Variants in REPS1 observed in about 807,000 individuals in gnomAD.
REPS1 encodes RALBP1 associated Eps domain containing 1, also known as ralBP1-associated Eps domain-containing protein 1.
Under a neutral mutation model 100.9 loss-of-function variants are expected in REPS1, and 39 were observed. The observed-to-expected ratio is 0.39, with a 90% confidence interval of 0.30 to 0.50. The LOEUF (loss-of-function observed/expected upper bound fraction) is 0.50, where lower values mean the gene tolerates loss of function less well. REPS1 is among the 20% of genes least tolerant of loss of function. REPS1 has a pLI of 0.86. For synonymous variants in REPS1, 324 were observed against 340.3 expected (o/e 0.95, Z 0.53); for missense variants, 821 against 968.5 (o/e 0.85, Z 2.02).
chr6:138,918,349 C>T (rs1780544024), intron 12 of REPS1, among the ~76,000 whole-genome samples: 1 of 152,172 alleles, frequency 6.6e-6, no homozygotes, highest in Non-Finnish European at 1.5e-5. Flanking sequence ...GCAAATACTA[C>T]ACCATTCTAC....
intron 8 of REPS1, among the ~76,000 whole-genome samples, chr6:138,933,946 A>G (rs944766973): frequency 1.1e-4 from 16 of 152,200 alleles, no homozygotes; most frequent in Non-Finnish European, 4.4e-5. Flanking sequence ...CAACAACAAC[A>G]AAAACCAACC....
intron 8 of REPS1, 81 bp from the exon 9 acceptor site, chr6:138,930,179 C>G: frequency 8.5e-7 from 1 of 1,171,172 alleles, no homozygotes; most frequent in Non-Finnish European, 1.2e-6. Context: ...TAAAAAAAAG[C>G]CAACCGATGA....
intron 8 of REPS1, among the ~76,000 whole-genome samples, chr6:138,935,426 A>AACAT (rs1781743413): frequency 6.6e-6 from 1 of 152,220 alleles, no homozygotes; most frequent in Admixed American, 6.5e-5. Flanking sequence ...AAGATAGCTA[A>AACAT]ACATGGGAAA....
In REPS1 at chr6:138,964,162, C is replaced by T. The variant is rs184411876; in HGVS notation, c.154-16249G>A. On this transcript the variant is annotated intron_variant, in intron 1 of 19. Coordinates refer to ENST00000450536, the MANE Select transcript of REPS1 (RefSeq NM_001286611.2). ...CCAAGACCACATTGCTTCTTTCCTA[C>T]CTGCCATGATTTTATCTTAACACTT... Among the ~76,000 whole-genome samples the T allele has an allele frequency of 6.0e-4, 91 of 152,230 alleles. 1 individual carries two copies. Among genetic ancestry groups the T allele is most frequent in the African/African-American group, 2.0e-3 (85 of 41,558 alleles).
At chr6:138,909,947 GAA>G (rs1184780635) in intron 17 of REPS1, among the ~76,000 whole-genome samples, 8 of 151,260 alleles carry the variant, frequency 5.3e-5, no homozygotes, top group Non-Finnish European at 7.4e-5. Context: ...CTAGATAACA[GAA>G]AAAAAAAGTT....
chr6:138,926,591 A>G, intron 9 of REPS1, 110 bp from the exon 10 acceptor site: 1 of 714,282 alleles, frequency 1.4e-6, no homozygotes, highest in Non-Finnish European at 2.5e-6. Flanking sequence ...GTTGTGTTTC[A>G]TAGGTTTAAC....
At chr6:138,948,787 G>A (rs1177271596) in intron 1 of REPS1, among the ~76,000 whole-genome samples, 5 of 152,134 alleles carry the variant, frequency 3.3e-5, no homozygotes, top group Non-Finnish European at 7.4e-5. Flanking sequence ...AGGAAGATAA[G>A]GTATCTGAGA....
Position 138,937,066 on chromosome 6 carries a change from A to C in REPS1, c.1135+4269T>G, listed in dbSNP as rs543964250. Among the ~76,000 whole-genome samples the C allele has an allele frequency of 1.2e-3, 179 of 152,190 alleles. 2 individuals are homozygous for C. The highest frequency in any genetic ancestry group is 4.0e-3 in the African/African-American group (167 of 41,480). On this transcript the variant is annotated intron_variant, in intron 8 of 19. Coordinates refer to ENST00000450536, the MANE Select transcript of REPS1 (RefSeq NM_001286611.2). Reference sequence around the variant, plus strand: ...TGGAAGGCAAGGAGGAGCAAGTCACATCTTACATGGATGGCAGGAGGCAAA... The same window carrying C: ...TGGAAGGCAAGGAGGAGCAAGTCACCTCTTACATGGATGGCAGGAGGCAAA...
chr6:138,969,451 A>ATT (rs1297090821), intron 1 of REPS1, among the ~76,000 whole-genome samples: 2,260 of 133,126 alleles, frequency 0.017, 54 homozygotes, highest in African/African-American at 0.042. Flanking sequence ...CAGCTGGCCA[A>ATT]TTTTTTTTTT....
intron 12 of REPS1, among the ~76,000 whole-genome samples, chr6:138,918,004 A>G (rs1780514446): frequency 6.6e-6 from 1 of 152,178 alleles, no homozygotes; most frequent in Non-Finnish European, 1.5e-5. Flanking sequence ...ATAAAGTAAC[A>G]TTACAACAAT....
Position 138,945,262 on chromosome 6 carries a change from C to T in REPS1, c.585G>A (p.Ala195=), listed in dbSNP as rs768833229. 19 of 1,610,846 alleles carry T rather than the reference C, an allele frequency of 1.2e-5. No individual in the cohort carries two copies. The highest frequency in any genetic ancestry group is 4.5e-5 in the East Asian group (2 of 44,776). ...PSGGNSERPL[A]GPGPFWSPFG... is the part of the protein sequence containing the mutation. ...AGGGAGACCAAAATGGCCCAGGTCC[C>T]GCGAGAGGCCTCTCACTATTCCCAC... The change falls in exon 4 of 20, where the codon GCG becomes GCA. Residue 195 remains alanine, a synonymous_variant. Transcript: ENST00000450536.
intron 1 of REPS1, among the ~76,000 whole-genome samples, chr6:138,968,166 A>C (rs1368687458): frequency 6.6e-6 from 1 of 152,194 alleles, no homozygotes; most frequent in Non-Finnish European, 1.5e-5. Context: ...AAAAATCCTA[A>C]ATCAAATCAT....
At chr6:138,943,361 A>G (rs1782389039) in intron 7 of REPS1, 152 bp downstream of exon 7, 1 of 507,536 alleles carries the variant, frequency 2.0e-6, no homozygotes, top group Non-Finnish European at 3.5e-6. Context: ...TCTGCAGAAT[A>G]AGAGAGAAGC....
chr6:138,946,555 A>G (rs1039206389), intron 2 of REPS1, among the ~76,000 whole-genome samples: 1 of 152,216 alleles, frequency 6.6e-6, no homozygotes, highest in Non-Finnish European at 1.5e-5. Flanking sequence ...ATTCAAAATT[A>G]CCTGAAAAGA....
intron 8 of REPS1, among the ~76,000 whole-genome samples, chr6:138,940,608 G>A (rs1041386280): frequency 3.3e-5 from 5 of 152,022 alleles, no homozygotes; most frequent in Non-Finnish European, 7.4e-5. Context: ...AGCGGGGCAT[G>A]GTGGTGCGTG....
chr6:138,954,346 A>T (rs563941279), intron 1 of REPS1, among the ~76,000 whole-genome samples: 5 of 152,080 alleles, frequency 3.3e-5, no homozygotes, highest in Admixed American at 2.0e-4. Flanking sequence ...GAAATGATAA[A>T]ATGTTTGAGA....
At chr6:138,964,275 A>G (rs1262299127) in intron 1 of REPS1, among the ~76,000 whole-genome samples, 1 of 151,938 alleles carries the variant, frequency 6.6e-6, no homozygotes. Flanking sequence ...TTACATTTCA[A>G]CCACTTTCCT....
chr6:138,971,462 T>C (rs551557262), intron 1 of REPS1, among the ~76,000 whole-genome samples: 1 of 149,850 alleles, frequency 6.7e-6, no homozygotes, highest in African/African-American at 2.5e-5. Context: ...TTTGCCTCAT[T>C]ATATTTTATG....
chr6:138,923,739 T>C (rs543216623), intron 10 of REPS1, among the ~76,000 whole-genome samples: 1 of 152,342 alleles, frequency 6.6e-6, no homozygotes, highest in South Asian at 2.1e-4. Context: ...CCATCTGGTT[T>C]GCAAATGGGG....
Sources: allele counts gnomAD v4.1 joint callset (sites outside exome capture counted in the v4.1 genomes callset), GRCh38; gene constraint gnomAD v4.1.1; transcripts MANE v1.5; gene names NCBI Gene and HGNC (gene_info 2026-07-23, HGNC 2026-07-21).